Variants in FAM20A observed in about 807,000 individuals in gnomAD.
The protein encoded by FAM20A is FAM20A golgi associated secretory pathway pseudokinase.
FAM20A carries 42 observed loss-of-function variants against 52.0 expected under a neutral mutation model. That is an observed-to-expected ratio of 0.81 (90% CI 0.63 to 1.04). The LOEUF is 1.04. FAM20A is among the 50% of genes least tolerant of loss of function. FAM20A has a pLI of 0.00. For missense variants in FAM20A, 742 were observed against 712.7 expected, an observed-to-expected ratio of 1.04 and a Z score of -0.47; for synonymous variants, 304 against 298.9, an observed-to-expected ratio of 1.02 and a Z score of -0.18.
At chr17:68,551,818 A>G (rs971165796) in intron 4 of FAM20A, 55 bp downstream of exon 4, 61 of 1,367,216 alleles carry the variant, frequency 4.5e-5, no homozygotes, top group African/African-American at 1.9e-4. Context: ...TTTTGGTCCA[A>G]ATCTTCCCAG....
Position 68,537,546 on chromosome 17 carries a change from C to T in FAM20A, c.1557G>A (p.Gln519=). The change falls in exon 11 of 11, where the codon CAG becomes CAA. Residue 519 remains glutamine, a synonymous_variant. Coordinates refer to ENST00000592554, the MANE Select transcript of FAM20A (RefSeq NM_017565.4). This position sits in a 1 kb window ranked among gnomAD's most constrained non-coding sequence, Gnocchi z 4.2. ...VEGCIVAHGQ[Q]SVIVDGPVEQ... ...CCACTGGGCCGTCGACTATGACACTCTGCTGTCCATGGGCCACTATGCACC... is the reference window on the plus strand; with the variant it reads ...CCACTGGGCCGTCGACTATGACACTTTGCTGTCCATGGGCCACTATGCACC... 1.2e-6 allele frequency: 2 copies of T among 1,613,732 alleles called. No homozygotes were observed. Among genetic ancestry groups the T allele is most frequent in the Non-Finnish European group, 1.7e-6 (2 of 1,179,796 alleles).
rs1318531247 is a variant in FAM20A at position 68,540,867 on chromosome 17, T to C, written c.1201A>G (p.Ile401Val). 5.0e-6 allele frequency: 8 copies of C among 1,603,046 alleles called. No individual in the cohort carries two copies. Among genetic ancestry groups the C allele is most frequent in the Non-Finnish European group, 6.8e-6 (8 of 1,174,700 alleles). The change falls in exon 8 of 11, where the codon ATC becomes GTC. Residue 401 changes from isoleucine to valine, a missense_variant. Transcript: ENST00000592554. ...GACCTACCTATCAAGAAGTCGAAGA[T>C]GGCCATGTCGATGACATTGAGGAGC... ...QRLLNVIDMA[I>V]FDFLIGNMDR...
chr17:68,539,923 C>T lies in FAM20A; in HGVS notation c.1263G>A (p.Gly421=), dbSNP rs150400613. 1 of 1,614,186 alleles carries T rather than the reference C, an allele frequency of 6.2e-7. No individual in the cohort carries two copies. Among genetic ancestry groups the T allele is most frequent in the Non-Finnish European group, 8.5e-7 (1 of 1,180,032 alleles). ...CAAGGTGAATAAGGAACCCATCATC[C>T]CCGAACTTGGTGAACATCTCATAAT... ...RHHYEMFTKF[G]DDGFLIHLDN... The change falls in exon 9 of 11, where the codon GGG becomes GGA. Residue 421 remains glycine (G), a synonymous_variant. Coordinates refer to ENST00000592554, the MANE Select transcript of FAM20A (RefSeq NM_017565.4).
chr17:68,537,854 G>A lies in FAM20A; in HGVS notation c.1362-113C>T. 8.2e-7 allele frequency: 1 copy of A among 1,214,902 alleles called. No individual in the cohort carries two copies. The allele number at this position is 1,214,902 out of a possible 1,614,324, so 75.3% of individuals were successfully genotyped here. A position where few individuals can be genotyped will look rare whatever the true frequency, so the allele number is the denominator to read the frequency against. ...GCTGATACTCTTGGCGCCTCTCCTT[G>A]TGTCTTCTCAGGCACATTTTAATGG... On this transcript the variant is annotated intron_variant, in intron 10 of 10. Transcript: ENST00000592554. The surrounding 1 kb of genome is among the most constrained non-coding windows in gnomAD (Gnocchi z 4.2).
intron 1 of FAM20A, among the ~76,000 whole-genome samples, chr17:68,564,566 T>A (rs1010590175): frequency 4.6e-5 from 7 of 152,376 alleles, no homozygotes; most frequent in Non-Finnish European, 7.3e-5. Flanking sequence ...TGTGTGAGAC[T>A]GCAGATCATC....
chr17:68,596,211 A>G (rs2088448064), intron 1 of FAM20A, among the ~76,000 whole-genome samples: 1 of 152,086 alleles, frequency 6.6e-6, no homozygotes, highest in African/African-American at 2.4e-5. Flanking sequence ...CCACACACAC[A>G]CACACACACA....
intron 1 of FAM20A, among the ~76,000 whole-genome samples, chr17:68,568,871 G>C (rs747162502): frequency 6.6e-6 from 1 of 150,540 alleles, no homozygotes; most frequent in South Asian, 2.1e-4. Flanking sequence ...ACATTCAAAG[G>C]TTCCAGGGAT....
At chr17:68,581,462 CTTTCTTTCTTTCTTTCT>C (rs2087987889) in intron 1 of FAM20A, among the ~76,000 whole-genome samples, 1 of 6,186 alleles carries the variant, frequency 1.6e-4, no homozygotes, top group Non-Finnish European at 6.7e-4. Context: ...TCTTTCTTTC[CTTTCTTTCTTTCTTTCT>C]TTCTTTCTTT....
At chr17:68,549,417 C>T (rs753074084) in intron 4 of FAM20A, among the ~76,000 whole-genome samples, 3 of 151,614 alleles carry the variant, frequency 2.0e-5, no homozygotes, top group Non-Finnish European at 2.9e-5. Context: ...TTGCTTGAAC[C>T]TGGGAGGCCG....
chr17:68,597,838 T>A (rs1185004133), intron 1 of FAM20A, among the ~76,000 whole-genome samples: 1 of 152,066 alleles, frequency 6.6e-6, no homozygotes, highest in Non-Finnish European at 1.5e-5. Context: ...GATCTAGGGG[T>A]GTCCTCGACC....
intron 3 of FAM20A, among the ~76,000 whole-genome samples, chr17:68,554,243 G>A (rs2086990490): frequency 1.3e-5 from 2 of 151,964 alleles, no homozygotes; most frequent in African/African-American, 4.8e-5. Flanking sequence ...TGAATCTCTT[G>A]CCTCAGCCTC....
At chr17:68,540,022 C>T in intron 8 of FAM20A, 56 bp from the exon 9 acceptor site, 1 of 1,497,246 alleles carries the variant, frequency 6.7e-7, no homozygotes, top group South Asian at 1.1e-5. Flanking sequence ...ACAGGTGCTC[C>T]TGACCTGAGT....
chr17:68,554,097 CAT>C (rs908896379), intron 3 of FAM20A, among the ~76,000 whole-genome samples: 35 of 146,398 alleles, frequency 2.4e-4, no homozygotes, highest in African/African-American at 6.6e-4. Context: ...TATATACACA[CAT>C]ATATATACAC....
At chr17:68,540,006 A>G (rs1278525961) in intron 8 of FAM20A, 40 bp from the exon 9 acceptor site, 10 of 1,575,338 alleles carry the variant, frequency 6.3e-6, no homozygotes, top group Non-Finnish European at 7.9e-6. Context: ...CCAGCAGGCC[A>G]GGGGGACAGG....
intron 1 of FAM20A, among the ~76,000 whole-genome samples, chr17:68,563,585 T>C (rs987111254): frequency 2.6e-5 from 4 of 151,736 alleles, no homozygotes; most frequent in Non-Finnish European, 5.9e-5. Context: ...CTTTTTTTTT[T>C]CTTAAACAAA....
chr17:68,543,952 C>G (rs551990068), intron 4 of FAM20A, among the ~76,000 whole-genome samples: 1 of 152,308 alleles, frequency 6.6e-6, no homozygotes, highest in African/African-American at 2.4e-5. Flanking sequence ...CAGGCACCAC[C>G]AATACCAAGT....
intron 1 of FAM20A, among the ~76,000 whole-genome samples, chr17:68,567,766 G>T (rs558468756): frequency 6.6e-6 from 1 of 152,090 alleles, no homozygotes; most frequent in South Asian, 2.1e-4. Context: ...TCAACGAAGG[G>T]ACCAGGTCAA....
At chr17:68,567,578 G>T (rs1176481425) in intron 1 of FAM20A, among the ~76,000 whole-genome samples, 1 of 151,772 alleles carries the variant, frequency 6.6e-6, no homozygotes, top group Non-Finnish European at 1.5e-5. Flanking sequence ...GAGGACAGGG[G>T]AGGAAGAAGC....
chr17:68,540,973 A>G lies in FAM20A; in HGVS notation c.1110-15T>C. The G allele has an allele frequency of 6.4e-7, 1 of 1,569,248 alleles. No individual in the cohort carries two copies. Among genetic ancestry groups the G allele is most frequent in the Non-Finnish European group, 8.7e-7 (1 of 1,155,608 alleles). On this transcript the variant is annotated splice_polypyrimidine_tract_variant and intron_variant, in intron 7 of 10. Coordinates refer to ENST00000592554, the MANE Select transcript of FAM20A (RefSeq NM_017565.4). The stretch of plus-strand genomic sequence containing the variant: ...TGACCTCCCACCTGAGGGGGAGAAG[A>G]AGTCCTGGGGCTGGAAAAGCCAAGA...
Sources: gnomAD v4.1 joint callset for allele counts (sites outside exome capture counted in the v4.1 genomes callset) on GRCh38, gnomAD v4.1.1 for gene constraint, Gnocchi (gnomAD v3.1) non-coding constraint, MANE v1.5 for transcripts, NCBI Gene and HGNC (gene_info 2026-07-23, HGNC 2026-07-21) for gene names.